ANXA11: variants seen among roughly 807,000 people sequenced by gnomAD.
ANXA11 encodes the protein 56 kDa autoantigen.
Under a neutral mutation model 64.7 loss-of-function variants are expected in ANXA11, and 57 were observed. That is an observed-to-expected ratio of 0.88 (90% confidence interval 0.71 to 1.10). The LOEUF is 1.10. Among genes scored for constraint, ANXA11 ranks in the 50% least tolerant of loss-of-function variants. The pLI is 0.00. For synonymous variants in ANXA11, 260 were observed against 265.2 expected (o/e 0.98, Z 0.19); for missense variants, 675 against 670.7 (o/e 1.01, Z -0.07).
intron 1 of ANXA11, among the ~76,000 whole-genome samples, chr10:80,188,172 C>T (rs970764130): frequency 6.6e-6 from 1 of 152,026 alleles, no homozygotes; most frequent in East Asian, 1.9e-4. Context: ...CATCTTTTCA[C>T]GGCCCACACT....
chr10:80,170,924 A>C lies in ANXA11; in HGVS notation c.56-9T>G. 1 of 1,588,664 alleles carries C rather than the reference A, an allele frequency of 6.3e-7. No homozygotes were observed. The highest frequency in any genetic ancestry group is 1.3e-5 in the African/African-American group (1 of 74,104). ...TCCCCAGGGACCACCACCTGAAAGC[A>C]ACACCAAGCCCTTTAGCCCCCTGCC... is the stretch of plus-strand genomic sequence containing the variant. On this transcript the variant is annotated splice_polypyrimidine_tract_variant and intron_variant, in intron 3 of 15. Coordinates refer to ENST00000422982, the MANE Select transcript of ANXA11 (RefSeq NM_145868.2).
intron 1 of ANXA11, among the ~76,000 whole-genome samples, chr10:80,190,079 A>G (rs1846705295): frequency 6.6e-6 from 1 of 152,262 alleles, no homozygotes; most frequent in Admixed American, 6.5e-5. Flanking sequence ...TCCTAAGGAC[A>G]GAAAGTAGAC....
intron 1 of ANXA11, among the ~76,000 whole-genome samples, chr10:80,203,181 C>T (rs1032565357): frequency 1.1e-4 from 17 of 152,142 alleles, no homozygotes; most frequent in African/African-American, 3.6e-4. Context: ...TCAGCTCCTG[C>T]CCACACCAGT....
chr10:80,173,114 G>A (rs1589432492), intron 2 of ANXA11: 2 of 490,774 alleles, frequency 4.1e-6, no homozygotes, highest in East Asian at 3.8e-5. Context: ...CACCCACAGT[G>A]ACAGGATTCA....
At chr10:80,177,311 A>T (rs143543947) in intron 1 of ANXA11, among the ~76,000 whole-genome samples, 28 of 152,250 alleles carry the variant, frequency 1.8e-4, no homozygotes, top group African/African-American at 6.7e-4. Flanking sequence ...TTTCAGGACC[A>T]AACGCCCCAG....
At chr10:80,183,275 CAAGGATCTCAGCCAGAA>C (rs1156908701) in intron 1 of ANXA11, among the ~76,000 whole-genome samples, 2 of 152,208 alleles carry the variant, frequency 1.3e-5, no homozygotes, top group East Asian at 3.9e-4. Context: ...AGTCCTGTTC[CAAGGATCTCAGCCAGAA>C]AAGGATCTCA....
chr10:80,194,383 G>GCTA (rs1264428553), intron 1 of ANXA11, among the ~76,000 whole-genome samples: 1 of 152,094 alleles, frequency 6.6e-6, no homozygotes, highest in African/African-American at 2.4e-5. Context: ...CAGGGGCTGG[G>GCTA]CTACACCCCC....
At chr10:80,158,072 G>C (rs759315892) in intron 13 of ANXA11, 47 bp from the exon 14 acceptor site, 3 of 1,580,588 alleles carry the variant, frequency 1.9e-6, no homozygotes, top group Non-Finnish European at 2.6e-6. Flanking sequence ...AAAATTCTCA[G>C]CCCAAGCAGG....
At chr10:80,204,461 C>T (rs1468589407) in intron 1 of ANXA11, among the ~76,000 whole-genome samples, 1 of 152,222 alleles carries the variant, frequency 6.6e-6, no homozygotes, top group East Asian at 1.9e-4. Flanking sequence ...GGCCTCACAG[C>T]TCCACTCCAT....
In ANXA11 at chr10:80,166,042, GCACACACACACA is replaced by G. The variant is rs56904277; in HGVS notation, c.858+30_858+41del. The G allele has an allele frequency of 6.6e-3, 2,970 of 451,896 alleles. 64 individuals carry two copies. Among genetic ancestry groups the G allele is most frequent in the African/African-American group, 0.057 (2,635 of 46,054 alleles). The allele number at this position is 451,896 out of a possible 1,614,324, so 28.0% of individuals were successfully genotyped here. A position where few individuals can be genotyped will look rare whatever the true frequency, so the allele number is the denominator to read the frequency against. On this transcript the variant is annotated intron_variant, in intron 8 of 15. Transcript: ENST00000422982. ...CATGCGCGCGTGCGCACACACGCGC[GCACACACACACA>G]CACACACACACACACACACACGTAC...
At chr10:80,194,333 A>G (rs1846896466) in intron 1 of ANXA11, among the ~76,000 whole-genome samples, 1 of 152,156 alleles carries the variant, frequency 6.6e-6, no homozygotes. Context: ...CTTCCACTTC[A>G]TTAGCTTCAC....
At chr10:80,189,846 C>T (rs1352016857) in intron 1 of ANXA11, among the ~76,000 whole-genome samples, 1 of 152,178 alleles carries the variant, frequency 6.6e-6, no homozygotes, top group Non-Finnish European at 1.5e-5. Context: ...TCACAGTAGT[C>T]AAAAGGTGGA....
At position 80,205,079 on chromosome 10, in the gene ANXA11, G is replaced by A. The variant is rs192902563; in HGVS notation, c.-58+264C>T. Among the ~76,000 whole-genome samples, 404 of 152,100 alleles carry A rather than the reference G, an allele frequency of 2.7e-3. 10 individuals are homozygous for A. The East Asian group carries it at 0.057, about 22-fold the overall frequency. ...TGAGACCCCGACCCCTGAGCCCGGGGGGACGGCGAGTGCACCCCGACCACA... is the reference window on the plus strand; with the variant it reads ...TGAGACCCCGACCCCTGAGCCCGGGAGGACGGCGAGTGCACCCCGACCACA... On this transcript the variant is annotated intron_variant, in intron 1 of 15. Transcript: ENST00000422982.
chr10:80,176,737 G>A lies in ANXA11; in HGVS notation c.-57-582C>T, dbSNP rs533781697. Among the ~76,000 whole-genome samples the A allele has an allele frequency of 9.5e-5, 14 of 147,692 alleles. No individual in the cohort carries two copies. In the South Asian group the frequency reaches 2.7e-3, roughly 28 times the overall value. ...GCAGGCCAGCCTTGATGGCGCTCGT[G>A]GAGCTCATTCTTGGGGTGGCTTTTA... is the stretch of plus-strand genomic sequence containing the variant. On this transcript the variant is annotated intron_variant, in intron 1 of 15. Transcript: ENST00000422982.
At chr10:80,197,009 C>T (rs1001954892) in intron 1 of ANXA11, among the ~76,000 whole-genome samples, 4 of 152,214 alleles carry the variant, frequency 2.6e-5, no homozygotes, top group Non-Finnish European at 5.9e-5. Flanking sequence ...TCCCAGTGCA[C>T]TAGCATTTGG....
At chr10:80,171,139 G>A in intron 3 of ANXA11, 1 of 1,459,152 alleles carries the variant, frequency 6.9e-7, no homozygotes, top group Non-Finnish European at 9.0e-7. Flanking sequence ...GGAAGGTGGA[G>A]TTCCCCAAAC....
In ANXA11 at chr10:80,163,506, G is replaced by A. The variant is rs376638743; in HGVS notation, c.1029+28C>T. ...TCTCTTTGACTTCCATGGCTTGGGG[G>A]CCCCGAGCCCTGTCGTGGGAAAAGT... On this transcript the variant is annotated intron_variant, in intron 10 of 15. Transcript: ENST00000422982. 1.4e-5 allele frequency: 23 copies of A among 1,596,388 alleles called. No individual in the cohort carries two copies. The African/African-American group carries it at 2.8e-4, about 20-fold the overall frequency.
chr10:80,171,508 C>T (rs1845975404), intron 3 of ANXA11: 7 of 632,550 alleles, frequency 1.1e-5, no homozygotes, highest in Non-Finnish European at 1.4e-5. Context: ...CCGGTATGTG[C>T]CCTGGGGCAA....
intron 6 of ANXA11, 37 bp downstream of exon 6, chr10:80,167,189 G>A (rs768608906): frequency 5.7e-6 from 9 of 1,592,320 alleles, no homozygotes; most frequent in Non-Finnish European, 4.3e-6. Context: ...GAAATAGGGG[G>A]CAGGGAGTAG....
Sources: allele counts gnomAD v4.1 joint callset (sites outside exome capture counted in the v4.1 genomes callset), GRCh38; gene constraint gnomAD v4.1.1; transcripts MANE v1.5; gene names NCBI Gene and HGNC (gene_info 2026-07-23, HGNC 2026-07-21).